KLHL1: variants seen among roughly 807,000 people sequenced by gnomAD.
The protein encoded by KLHL1 is kelch like family member 1, also known as kelch-like protein 1.
KLHL1 carries 47 observed loss-of-function variants against 77.7 expected under a neutral mutation model. The observed-to-expected ratio is 0.60, with a 90% CI of 0.48 to 0.77. KLHL1 has a LOEUF of 0.77. Among genes scored for constraint, KLHL1 ranks in the 30% least tolerant of loss-of-function variants. The pLI, the probability that KLHL1 is intolerant of heterozygous loss-of-function variation, is 0.00. For synonymous variants in KLHL1, 360 were observed against 325.2 expected, an observed-to-expected ratio of 1.11 and a Z score of -1.15; for missense variants, 925 against 910.8, an observed-to-expected ratio of 1.02 and a Z score of -0.20.
At chr13:69,999,440 AT>A (rs1283454801) in intron 1 of KLHL1, among the ~76,000 whole-genome samples, 33 of 152,186 alleles carry the variant, frequency 2.2e-4, no homozygotes, top group African/African-American at 7.9e-4. Context: ...TAATACATAC[AT>A]TTTTTGCTTA....
intron 1 of KLHL1, 136 bp from the exon 2 acceptor site, chr13:69,975,938 A>C: frequency 2.6e-6 from 3 of 1,148,452 alleles, no homozygotes; most frequent in Non-Finnish European, 3.4e-6. Flanking sequence ...TTTATATTTT[A>C]ATACAACTTC....
Position 69,719,234 on chromosome 13 carries a change from G to A in KLHL1, c.2015+135C>T, listed in dbSNP as rs903197194. 4.6e-5 allele frequency: 29 copies of A among 630,130 alleles called. No individual in the cohort carries two copies. In the East Asian group the frequency reaches 7.2e-4, roughly 16 times the overall value. The allele number at this position is 630,130 out of a possible 1,614,324, so 39.0% of individuals were successfully genotyped here. A position where few individuals can be genotyped will look rare whatever the true frequency, so the allele number is the denominator to read the frequency against. ...TGAGAGAGAGAGAGAGAGAGAGAGAGAAAGGAGTTAAAAATGTATCTCTAG... is the reference window on the plus strand; with the variant it reads ...TGAGAGAGAGAGAGAGAGAGAGAGAAAAAGGAGTTAAAAATGTATCTCTAG... On this transcript the variant is annotated intron_variant, in intron 9 of 10. Coordinates refer to ENST00000377844, the MANE Select transcript of KLHL1 (RefSeq NM_020866.3).
intron 4 of KLHL1, among the ~76,000 whole-genome samples, chr13:69,903,956 AT>A (rs1188049670): frequency 6.7e-5 from 10 of 150,284 alleles, no homozygotes; most frequent in East Asian, 1.9e-4. Context: ...TACTTGATAT[AT>A]TTTTTTTTAT....
intron 1 of KLHL1, among the ~76,000 whole-genome samples, chr13:70,038,086 C>T (rs1358539679): frequency 6.6e-6 from 1 of 152,194 alleles, no homozygotes; most frequent in East Asian, 1.9e-4. Flanking sequence ...TCACCTTTGA[C>T]AAACACTAAC....
chr13:70,015,333 T>G (rs1348778603), intron 1 of KLHL1, among the ~76,000 whole-genome samples: 2 of 152,122 alleles, frequency 1.3e-5, no homozygotes, highest in African/African-American at 4.8e-5. Flanking sequence ...AATATAAAGG[T>G]AAGTATTTGT....
chr13:70,062,103 C>T (rs918498832), intron 1 of KLHL1, among the ~76,000 whole-genome samples: 11 of 152,122 alleles, frequency 7.2e-5, no homozygotes, highest in African/African-American at 2.2e-4. Flanking sequence ...TTCCTGTCTC[C>T]GTTACCTTTC....
intron 4 of KLHL1, among the ~76,000 whole-genome samples, chr13:69,925,167 A>G (rs935868379): frequency 1.3e-5 from 2 of 152,110 alleles, no homozygotes; most frequent in Non-Finnish European, 2.9e-5. Flanking sequence ...CAACATCCCA[A>G]GTATCCCATA....
intron 4 of KLHL1, among the ~76,000 whole-genome samples, chr13:69,882,950 TA>T: frequency 6.6e-6 from 1 of 152,286 alleles, no homozygotes; most frequent in South Asian, 2.1e-4. Context: ...AGAGAAAGAA[TA>T]GGACAGATAG....
intron 4 of KLHL1, among the ~76,000 whole-genome samples, chr13:69,910,659 A>G (rs371061658): frequency 1.8e-4 from 28 of 152,226 alleles, no homozygotes; most frequent in African/African-American, 6.3e-4. Context: ...TTATCAGACA[A>G]AAAATTCATA....
rs1883046821 is a variant in KLHL1 at position 69,932,937 on chromosome 13, A to G, written c.1014+7103T>C. ...TTTTATTAATTTGATTTTGATAACC[A>G]TAAAAAAAGAGTTCTCCATCTAATT... On this transcript the variant is annotated intron_variant, in intron 4 of 10. Transcript: ENST00000377844. Among the ~76,000 whole-genome samples the G allele has an allele frequency of 3.9e-5, 6 of 152,130 alleles. No homozygotes were observed. The South Asian group carries it at 1.2e-3, about 32-fold the overall frequency.
chr13:69,925,352 T>C (rs945895365), intron 4 of KLHL1, among the ~76,000 whole-genome samples: 28 of 152,188 alleles, frequency 1.8e-4, no homozygotes, highest in African/African-American at 6.8e-4. Flanking sequence ...TAATATAATA[T>C]ATGTAAAACA....
At chr13:70,024,623 TCTCTCTCTCTC>T in intron 1 of KLHL1, among the ~76,000 whole-genome samples, 2 of 34,366 alleles carry the variant, frequency 5.8e-5, no homozygotes, top group Non-Finnish European at 1.0e-4. Flanking sequence ...AAAAGATTTC[TCTCTCTCTCTC>T]TCTCTCTCTC....
At chr13:69,766,844 G>A (rs1039355954) in intron 7 of KLHL1, among the ~76,000 whole-genome samples, 1 of 152,078 alleles carries the variant, frequency 6.6e-6, no homozygotes, top group Non-Finnish European at 1.5e-5. Context: ...AGCAGTGTCT[G>A]GCCTAAAGAT....
At chr13:69,751,490 T>G (rs1156832601) in intron 7 of KLHL1, among the ~76,000 whole-genome samples, 1 of 151,862 alleles carries the variant, frequency 6.6e-6, no homozygotes, top group African/African-American at 2.4e-5. Flanking sequence ...AGATTAAGAT[T>G]TATGTGGGGA....
At chr13:69,983,243 T>C (rs1030717954) in intron 1 of KLHL1, among the ~76,000 whole-genome samples, 6 of 152,132 alleles carry the variant, frequency 3.9e-5, no homozygotes, top group African/African-American at 1.2e-4. Context: ...TTGGTTGGAA[T>C]AATAATTTTT....
At chr13:69,863,574 T>G (rs1043000896) in intron 5 of KLHL1, among the ~76,000 whole-genome samples, 1 of 152,086 alleles carries the variant, frequency 6.6e-6, no homozygotes, top group African/African-American at 2.4e-5. Flanking sequence ...ATATTTGAAT[T>G]TATGATTTTT....
chr13:69,789,328 A>C (rs1320832278), intron 7 of KLHL1, among the ~76,000 whole-genome samples: 5 of 131,016 alleles, frequency 3.8e-5, no homozygotes, highest in African/African-American at 1.3e-4. Context: ...TTATTTAATA[A>C]ATTAAAAATA....
chr13:70,063,305 A>G (rs1012439349), intron 1 of KLHL1, among the ~76,000 whole-genome samples: 2 of 152,138 alleles, frequency 1.3e-5, no homozygotes, highest in African/African-American at 4.8e-5. Flanking sequence ...CACAGACTGC[A>G]TGAATAACAA....
At chr13:69,754,934 C>G (rs2137954774) in intron 7 of KLHL1, among the ~76,000 whole-genome samples, 1 of 152,248 alleles carries the variant, frequency 6.6e-6, no homozygotes, top group Non-Finnish European at 1.5e-5. Context: ...GTAAGGTTCT[C>G]TATTGTTTTA....
Sources: allele counts gnomAD v4.1 joint callset (sites outside exome capture counted in the v4.1 genomes callset), GRCh38; gene constraint gnomAD v4.1.1; transcripts MANE v1.5; gene names NCBI Gene and HGNC (gene_info 2026-07-23, HGNC 2026-07-21).